EYS: variants seen among roughly 807,000 people sequenced by gnomAD.
EYS encodes EGF-like photoreceptor maintenance factor.
A neutral mutation model predicts 282.1 loss-of-function variants in EYS; 250 were observed. The observed-to-expected ratio is 0.89, with a 90% CI of 0.80 to 0.98. EYS has a LOEUF of 0.98. EYS is among the 50% of genes least tolerant of loss of function. The pLI is 0.00. For missense variants in EYS, 4,016 were observed against 3,709.0 expected, an observed-to-expected ratio of 1.08 and a Z score of -2.15; for synonymous variants, 1,355 against 1,282.9, an observed-to-expected ratio of 1.06 and a Z score of -1.20.
chr6:64,730,098 CTTTT>C (rs1412207179), intron 22 of EYS, among the ~76,000 whole-genome samples: 3 of 152,006 alleles, frequency 2.0e-5, no homozygotes, highest in African/African-American at 7.3e-5. Context: ...ATTTTTGTTT[CTTTT>C]TTTCTTTAAA....
intron 22 of EYS, among the ~76,000 whole-genome samples, chr6:64,649,733 A>G (rs1053136217): frequency 6.6e-6 from 1 of 152,172 alleles, no homozygotes; most frequent in Admixed American, 6.5e-5. Flanking sequence ...AAATATCTCA[A>G]AGACATGACA....
intron 8 of EYS, among the ~76,000 whole-genome samples, chr6:65,368,354 C>A (rs1257115340): frequency 6.6e-6 from 1 of 151,660 alleles, no homozygotes; most frequent in Non-Finnish European, 1.5e-5. Flanking sequence ...TCAAATCCTT[C>A]ACACATAATG....
intron 12 of EYS, among the ~76,000 whole-genome samples, chr6:65,128,683 A>G (rs901666980): frequency 3.9e-5 from 6 of 152,006 alleles, no homozygotes; most frequent in Admixed American, 6.6e-5. Context: ...ATAAATGGAG[A>G]AACATCCCAT....
chr6:65,279,529 C>G (rs2150273959), intron 12 of EYS, among the ~76,000 whole-genome samples: 1 of 152,212 alleles, frequency 6.6e-6, no homozygotes, highest in South Asian at 2.1e-4. Flanking sequence ...AGAAGACAGG[C>G]TTTTTCTTTG....
At chr6:65,130,839 A>T (rs1775854740) in intron 12 of EYS, among the ~76,000 whole-genome samples, 1 of 150,444 alleles carries the variant, frequency 6.6e-6, no homozygotes, top group Admixed American at 6.6e-5. Flanking sequence ...CATAAAGACT[A>T]AAAAAAAATA....
intron 22 of EYS, among the ~76,000 whole-genome samples, chr6:64,644,193 C>CAAAAAAAA (rs1768273551): frequency 6.6e-6 from 1 of 152,100 alleles, no homozygotes; most frequent in Non-Finnish European, 1.5e-5. Flanking sequence ...GGAGCAGAGT[C>CAAAAAAAA]AAAAGATAAA....
intron 1 of EYS, among the ~76,000 whole-genome samples, chr6:65,672,468 C>A (rs1387420162): frequency 6.6e-6 from 1 of 152,092 alleles, no homozygotes; most frequent in Non-Finnish European, 1.5e-5. Context: ...GTAGCTGGGT[C>A]ATTTCAAGAA....
intron 35 of EYS, among the ~76,000 whole-genome samples, chr6:63,977,472 T>A (rs908555217): frequency 6.6e-6 from 1 of 151,984 alleles, no homozygotes; most frequent in Admixed American, 6.6e-5. Flanking sequence ...TGTGAGAAAT[T>A]ATTGCAATTC....
intron 29 of EYS, among the ~76,000 whole-genome samples, chr6:64,373,344 T>C (rs1158086181): frequency 1.3e-5 from 2 of 152,198 alleles, no homozygotes; most frequent in African/African-American, 2.4e-5. Context: ...CCCTCTCTGA[T>C]TACTGTCTCC....
At chr6:65,618,032 T>G (rs559217060) in intron 2 of EYS, among the ~76,000 whole-genome samples, 1 of 152,204 alleles carries the variant, frequency 6.6e-6, no homozygotes, top group African/African-American at 2.4e-5. Context: ...TGTGTGTTTA[T>G]AGCAGCATGA....
At chr6:65,083,025 GTTAATATAT>G (rs1774269402) in intron 12 of EYS, among the ~76,000 whole-genome samples, 1 of 151,940 alleles carries the variant, frequency 6.6e-6, no homozygotes, top group Non-Finnish European at 1.5e-5. Flanking sequence ...AGTGGAGAAT[GTTAATATAT>G]TCTGCCAAAT....
intron 26 of EYS, among the ~76,000 whole-genome samples, chr6:64,514,802 A>T (rs1354436267): frequency 6.6e-6 from 1 of 151,764 alleles, no homozygotes; most frequent in Non-Finnish European, 1.5e-5. Context: ...TGAAATTCAA[A>T]CTCCGGATAT....
intron 12 of EYS, among the ~76,000 whole-genome samples, chr6:65,221,372 C>T (rs185891531): frequency 3.5e-4 from 54 of 152,282 alleles, no homozygotes; most frequent in East Asian, 1.5e-3. Context: ...TGCTGCTTTG[C>T]GCAGTCTTGG....
chr6:65,368,791 C>T (rs1765016869), intron 8 of EYS, among the ~76,000 whole-genome samples: 1 of 151,582 alleles, frequency 6.6e-6, no homozygotes, highest in Non-Finnish European at 1.5e-5. Context: ...CAACTTCCCT[C>T]CCAAGAGTCA....
rs75706800 is a variant in EYS, at chr6:65,468,373, C to G, written c.862+22221G>C. On this transcript the variant is annotated intron_variant, in intron 5 of 42. Coordinates refer to ENST00000503581, the MANE Select transcript of EYS (RefSeq NM_001142800.2). Reference sequence around the variant, plus strand: ...GGACTTTGCTATTATTCCCACTAAGCTAGATTAGCTACTTTACATTTAGTT... The same window carrying G: ...GGACTTTGCTATTATTCCCACTAAGGTAGATTAGCTACTTTACATTTAGTT... 1.4e-3 allele frequency among the ~76,000 whole-genome samples: 216 copies of G among 152,174 alleles called. 5 individuals are homozygous for G. In the East Asian group the frequency reaches 0.034, roughly 24 times the overall value.
At chr6:64,973,322 T>A (rs1770361598) in intron 14 of EYS, among the ~76,000 whole-genome samples, 1 of 152,060 alleles carries the variant, frequency 6.6e-6, no homozygotes, top group South Asian at 2.1e-4. Flanking sequence ...ATAAGCTATA[T>A]CACATCATTA....
At chr6:64,182,425 C>T (rs1200201243) in intron 31 of EYS, among the ~76,000 whole-genome samples, 2 of 152,106 alleles carry the variant, frequency 1.3e-5, no homozygotes, top group East Asian at 3.9e-4. Flanking sequence ...GGGAGGCCAA[C>T]ACATGGGGAG....
chr6:65,484,877 T>G (rs1765732899), intron 5 of EYS, among the ~76,000 whole-genome samples: 1 of 152,228 alleles, frequency 6.6e-6, no homozygotes, highest in Non-Finnish European at 1.5e-5. Flanking sequence ...AAACAAAGTT[T>G]TATTGATATA....
intron 36 of EYS, chr6:63,821,241 T>C (rs915211439): frequency 2.0e-5 from 3 of 151,816 alleles, no homozygotes; most frequent in Admixed American, 6.6e-5. Context: ...TAATTCTAGG[T>C]TGGGCTTGAA....
Sources: allele counts gnomAD v4.1 joint callset (sites outside exome capture counted in the v4.1 genomes callset), GRCh38; gene constraint gnomAD v4.1.1; transcripts MANE v1.5; gene names NCBI Gene and HGNC (gene_info 2026-07-23, HGNC 2026-07-21).